The following DCUN1D4 variants were observed in gnomAD, a reference collection of about 807,000 sequenced individuals.
The protein encoded by DCUN1D4 is DCN1-like protein 4.
Under a neutral mutation model 47.9 loss-of-function variants are expected in DCUN1D4, and 22 were observed. The observed-to-expected ratio is 0.46, with a 90% CI of 0.33 to 0.66. The LOEUF (loss-of-function observed/expected upper bound fraction) is 0.66, where lower values mean the gene tolerates loss of function less well. Among genes scored for constraint, DCUN1D4 ranks in the 30% least tolerant of loss-of-function variants. The probability of loss-of-function intolerance (pLI) is 0.02; values close to 1 mark genes in which losing one functional copy is unlikely to be tolerated. For synonymous variants in DCUN1D4, 121 were observed against 112.2 expected (o/e 1.08, Z -0.50); for missense variants, 301 against 340.8 (o/e 0.88, Z 0.92).
At chr4:51,867,817 A>T (rs1356245617) in intron 3 of DCUN1D4, among the ~76,000 whole-genome samples, 3 of 152,052 alleles carry the variant, frequency 2.0e-5, no homozygotes, top group Admixed American at 6.6e-5. Context: ...GAAGTTGGGG[A>T]TTTACCGGGG....
intron 6 of DCUN1D4, among the ~76,000 whole-genome samples, chr4:51,889,811 TC>T (rs1193490064): frequency 6.6e-6 from 1 of 152,174 alleles, no homozygotes; most frequent in East Asian, 1.9e-4. Context: ...TGTAACCCCA[TC>T]TTTTTGGGAA....
At chr4:51,858,509 C>G (rs1724502023) in intron 1 of DCUN1D4, among the ~76,000 whole-genome samples, 1 of 152,248 alleles carries the variant, frequency 6.6e-6, no homozygotes, top group South Asian at 2.1e-4. Context: ...GAACAGCTTC[C>G]CCTTCCATCT....
intron 6 of DCUN1D4, among the ~76,000 whole-genome samples, chr4:51,889,128 G>A (rs947708001): frequency 6.6e-6 from 1 of 152,046 alleles, no homozygotes; most frequent in Non-Finnish European, 1.5e-5. Flanking sequence ...AAAAAAGAGA[G>A]AATATTATCC....
intron 1 of DCUN1D4, among the ~76,000 whole-genome samples, chr4:51,855,153 T>A (rs1353621542): frequency 6.6e-6 from 1 of 152,130 alleles, no homozygotes. Flanking sequence ...ATGAAAGACC[T>A]CCTGTTGTGT....
At chr4:51,885,366 G>T (rs1327127609) in intron 5 of DCUN1D4, among the ~76,000 whole-genome samples, 1 of 152,144 alleles carries the variant, frequency 6.6e-6, no homozygotes, top group African/African-American at 2.4e-5. Context: ...TAATTGATTG[G>T]GTGTGAGAGA....
chr4:51,908,362 T>C (rs1256091492), intron 8 of DCUN1D4, among the ~76,000 whole-genome samples: 1 of 152,172 alleles, frequency 6.6e-6, no homozygotes, highest in East Asian at 1.9e-4. Flanking sequence ...TGTTTTCATT[T>C]CCTTCTCCTT....
intron 1 of DCUN1D4, among the ~76,000 whole-genome samples, chr4:51,851,269 G>A (rs1433329306): frequency 1.3e-5 from 2 of 152,192 alleles, no homozygotes; most frequent in Non-Finnish European, 2.9e-5. Context: ...GAGACAGAAG[G>A]AATGGATGCA....
At chr4:51,899,240 T>C in intron 7 of DCUN1D4, 30 bp from the exon 8 acceptor site, 1 of 1,556,914 alleles carries the variant, frequency 6.4e-7, no homozygotes, top group African/African-American at 1.4e-5. Context: ...TGAACTCAGG[T>C]CATAATTTGC....
At chr4:51,842,358 T>C (rs1577791210), upstream of DCUN1D4, among the ~76,000 whole-genome samples, 2 of 152,278 alleles carry the variant, frequency 1.3e-5, no homozygotes, top group East Asian at 1.9e-4. Flanking sequence ...TGACGGACAA[T>C]GCTCGTGGCA....
intron 5 of DCUN1D4, 121 bp downstream of exon 5, chr4:51,877,975 C>T: frequency 2.0e-6 from 1 of 512,066 alleles, no homozygotes; most frequent in Non-Finnish European, 3.2e-6. Context: ...GTGTGTGTCC[C>T]TGTTAGAGGG....
At chr4:51,872,460 C>T (rs1472308456) in intron 3 of DCUN1D4, among the ~76,000 whole-genome samples, 1 of 152,200 alleles carries the variant, frequency 6.6e-6, no homozygotes, top group Non-Finnish European at 1.5e-5. Flanking sequence ...AATCCATGGA[C>T]ACTGTACTTG....
intron 1 of DCUN1D4, among the ~76,000 whole-genome samples, chr4:51,857,005 T>C (rs1724241796): frequency 6.6e-6 from 1 of 152,194 alleles, no homozygotes; most frequent in Non-Finnish European, 1.5e-5. Flanking sequence ...TTAGGGACCA[T>C]GTTTTATGAA....
Position 51,899,259 on chromosome 4 carries a change from T to C in DCUN1D4, c.507-11T>C. 2 of 1,584,830 alleles carry C rather than the reference T, an allele frequency of 1.3e-6. No homozygotes were observed. ...CTCAGGTCATAATTTGCCTTTATTCTGTTTTTCTAGATGTGATACAACAGA... is the reference window on the plus strand; with the variant it reads ...CTCAGGTCATAATTTGCCTTTATTCCGTTTTTCTAGATGTGATACAACAGA... On this transcript the variant is annotated splice_polypyrimidine_tract_variant and intron_variant, in intron 7 of 10. Coordinates refer to ENST00000334635, the MANE Select transcript of DCUN1D4 (RefSeq NM_001040402.3).
At chr4:51,896,416 CTCT>C (rs927173245) in intron 7 of DCUN1D4, among the ~76,000 whole-genome samples, 14 of 152,168 alleles carry the variant, frequency 9.2e-5, no homozygotes, top group Admixed American at 3.3e-4. Context: ...CAAACAACCG[CTCT>C]TCTTCTTCGT....
intron 1 of DCUN1D4, 113 bp from the exon 2 acceptor site, chr4:51,863,324 A>G: frequency 1.2e-6 from 1 of 858,158 alleles, no homozygotes; most frequent in South Asian, 1.6e-5. Flanking sequence ...CTTTAGTGTC[A>G]AATTAATTGA....
At chr4:51,890,218 T>G (rs1412309704) in intron 6 of DCUN1D4, among the ~76,000 whole-genome samples, 1 of 152,192 alleles carries the variant, frequency 6.6e-6, no homozygotes, top group Admixed American at 6.5e-5. Flanking sequence ...ATGGACATGT[T>G]GGCTCTCGGA....
chr4:51,873,823 A>G (rs545981442), intron 3 of DCUN1D4, among the ~76,000 whole-genome samples: 1 of 152,252 alleles, frequency 6.6e-6, no homozygotes, highest in South Asian at 2.1e-4. Context: ...TTTAAATCAG[A>G]TATCTCTTGA....
intron 1 of DCUN1D4, among the ~76,000 whole-genome samples, chr4:51,847,733 T>TG (rs1185742652): frequency 6.6e-6 from 1 of 152,052 alleles, no homozygotes; most frequent in Non-Finnish European, 1.5e-5. Flanking sequence ...AAGTTATAGA[T>TG]GCACGCCACT....
chr4:51,894,668 C>T (rs1730959821), intron 7 of DCUN1D4, among the ~76,000 whole-genome samples: 1 of 152,180 alleles, frequency 6.6e-6, no homozygotes, highest in Non-Finnish European at 1.5e-5. Flanking sequence ...GCTCTAAAGG[C>T]AGAAAGTAGT....
Sources: gnomAD v4.1 joint callset for allele counts (sites outside exome capture counted in the v4.1 genomes callset) on GRCh38, gnomAD v4.1.1 for gene constraint, MANE v1.5 for transcripts, NCBI Gene and HGNC (gene_info 2026-07-23, HGNC 2026-07-21) for gene names.